GPR158: variants seen among roughly 807,000 people sequenced by gnomAD.
The protein encoded by GPR158 is metabotropic glycine receptor.
A neutral mutation model predicts 78.2 loss-of-function variants in GPR158; 30 were observed. That is an observed-to-expected ratio of 0.38 (90% CI 0.29 to 0.52). The LOEUF is 0.52. Ranked by LOEUF, GPR158 falls within the 20% of genes least tolerant of loss-of-function variation. The probability of loss-of-function intolerance (pLI) is 0.83; values close to 1 mark genes in which losing one functional copy is unlikely to be tolerated. For synonymous variants in GPR158, 581 were observed against 591.1 expected (o/e 0.98, Z 0.25); for missense variants, 1,463 against 1,523.5 (o/e 0.96, Z 0.66).
intron 2 of GPR158, among the ~76,000 whole-genome samples, chr10:25,288,080 A>G (rs899189937): frequency 1.3e-5 from 2 of 152,072 alleles, no homozygotes; most frequent in Non-Finnish European, 2.9e-5. Context: ...TAAAACATGC[A>G]TAATGCATAC....
At chr10:25,552,281 A>G (rs115591069) in intron 6 of GPR158, among the ~76,000 whole-genome samples, 2 of 152,278 alleles carry the variant, frequency 1.3e-5, no homozygotes, top group African/African-American at 4.8e-5. Context: ...ACTGTATTCT[A>G]TCCACATCAC....
At chr10:25,405,896 G>A (rs1834508309) in intron 3 of GPR158, among the ~76,000 whole-genome samples, 1 of 152,002 alleles carries the variant, frequency 6.6e-6, no homozygotes, top group Non-Finnish European at 1.5e-5. Context: ...TGACCTACAA[G>A]ATCCCAAGTT....
At chr10:25,465,944 A>C (rs1246009382) in intron 4 of GPR158, among the ~76,000 whole-genome samples, 2 of 152,208 alleles carry the variant, frequency 1.3e-5, no homozygotes, top group East Asian at 3.9e-4. Context: ...CTAAGCCAAA[A>C]TAGCTGCAAG....
intron 2 of GPR158, among the ~76,000 whole-genome samples, chr10:25,387,410 G>A (rs1590836): frequency 0.71 from 107,243 of 152,054 alleles, 38,799 homozygotes; most frequent in African/African-American, 0.77. Context: ...TATTCATCAG[G>A]AATACTTGTC....
chr10:25,265,112 G>A (rs891843873), intron 2 of GPR158, among the ~76,000 whole-genome samples: 1 of 152,046 alleles, frequency 6.6e-6, no homozygotes, highest in Admixed American at 6.6e-5. Flanking sequence ...CTTTCTTAAT[G>A]TGTTAGACTT....
chr10:25,311,390 G>A (rs1367172053), intron 2 of GPR158, among the ~76,000 whole-genome samples: 2 of 151,608 alleles, frequency 1.3e-5, no homozygotes, highest in Admixed American at 6.6e-5. Flanking sequence ...TTGCATTTTT[G>A]TTGTGTTTAT....
At chr10:25,470,615 G>A (rs1322361130) in intron 5 of GPR158, among the ~76,000 whole-genome samples, 3 of 152,144 alleles carry the variant, frequency 2.0e-5, no homozygotes, top group African/African-American at 4.8e-5. Context: ...CTAGCATAGA[G>A]TTATGCATAA....
At chr10:25,207,730 A>T (rs1234230085) in intron 1 of GPR158, among the ~76,000 whole-genome samples, 1 of 152,090 alleles carries the variant, frequency 6.6e-6, no homozygotes, top group Non-Finnish European at 1.5e-5. Context: ...CCTGGGATAG[A>T]GCATAAAGTT....
At chr10:25,344,101 G>A (rs930816692) in intron 2 of GPR158, among the ~76,000 whole-genome samples, 12 of 151,864 alleles carry the variant, frequency 7.9e-5, no homozygotes, top group African/African-American at 2.9e-4. Context: ...AGGACTCACT[G>A]CTTTAAAGGT....
intron 7 of GPR158, among the ~76,000 whole-genome samples, chr10:25,580,742 T>G (rs952679514): frequency 2.6e-5 from 4 of 152,090 alleles, no homozygotes; most frequent in Non-Finnish European, 4.4e-5. Flanking sequence ...TTAAAAAAAT[T>G]TGAGTCATGG....
intron 3 of GPR158, among the ~76,000 whole-genome samples, chr10:25,403,528 T>A (rs1485890928): frequency 6.6e-6 from 1 of 151,958 alleles, no homozygotes; most frequent in Non-Finnish European, 1.5e-5. Flanking sequence ...CTGAAAGTTC[T>A]AAGTCTCATC....
chr10:25,533,683 A>G (rs1481542533), intron 5 of GPR158, among the ~76,000 whole-genome samples: 2 of 152,172 alleles, frequency 1.3e-5, no homozygotes, highest in Non-Finnish European at 2.9e-5. Context: ...TGTTCACTTC[A>G]TTGAACAAAT....
intron 2 of GPR158, among the ~76,000 whole-genome samples, chr10:25,374,982 T>A (rs1033215487): frequency 6.6e-6 from 1 of 151,742 alleles, no homozygotes; most frequent in Non-Finnish European, 1.5e-5. Context: ...ATTTTCAGAG[T>A]GGTTGTACCA....
intron 5 of GPR158, among the ~76,000 whole-genome samples, chr10:25,540,713 G>T (rs1330840176): frequency 6.6e-6 from 1 of 151,130 alleles, no homozygotes; most frequent in African/African-American, 2.4e-5. Flanking sequence ...AACACCACAT[G>T]TTCTCACTCA....
chr10:25,263,622 G>A (rs1182772675), intron 2 of GPR158, among the ~76,000 whole-genome samples: 1 of 152,180 alleles, frequency 6.6e-6, no homozygotes, highest in African/African-American at 2.4e-5. Flanking sequence ...AGAATTGGCT[G>A]TAGGGGCCAT....
chr10:25,262,782 T>C (rs2130735052), intron 2 of GPR158, among the ~76,000 whole-genome samples: 1 of 152,334 alleles, frequency 6.6e-6, no homozygotes. Flanking sequence ...TACATTCTAC[T>C]ATAGATGTTG....
At chr10:25,206,229 C>T (rs997675158) in intron 1 of GPR158, among the ~76,000 whole-genome samples, 4 of 152,012 alleles carry the variant, frequency 2.6e-5, no homozygotes, top group African/African-American at 4.8e-5. Context: ...CCTCGTGATC[C>T]GCCTGTCTCG....
intron 4 of GPR158, among the ~76,000 whole-genome samples, chr10:25,422,853 C>CA (rs1406316451): frequency 6.9e-6 from 1 of 144,782 alleles, no homozygotes; most frequent in African/African-American, 2.6e-5. Flanking sequence ...TTCCCTTACC[C>CA]CCCCCACACT....
Position 25,253,549 on chromosome 10 carries a change from A to G in GPR158, c.1008+32392A>G, listed in dbSNP as rs933914218. On this transcript the variant is annotated intron_variant, in intron 2 of 10. Transcript: ENST00000376351. ...ATAGTTGATTATTATTGGTAATGTC[A>G]TTCAGAATCTTCTTTGACACAGGCA... Among the ~76,000 whole-genome samples, 3 of 152,362 alleles carry G rather than the reference A, an allele frequency of 2.0e-5. No homozygotes were observed. The South Asian group carries it at 6.2e-4, about 32-fold the overall frequency.
Sources: allele counts gnomAD v4.1 joint callset (sites outside exome capture counted in the v4.1 genomes callset), GRCh38; gene constraint gnomAD v4.1.1; transcripts MANE v1.5; gene names NCBI Gene and HGNC (gene_info 2026-07-23, HGNC 2026-07-21).